The following PRKG1 variants were observed in gnomAD, a reference collection of about 807,000 sequenced individuals.
The protein encoded by PRKG1 is cGMP-dependent protein kinase 1.
PRKG1 carries 35 observed loss-of-function variants against 88.1 expected under a neutral mutation model. The ratio of observed to expected loss-of-function variants is 0.40; its 90% CI spans 0.30 to 0.53. The LOEUF (loss-of-function observed/expected upper bound fraction) is 0.53, where lower values mean the gene tolerates loss of function less well. Among genes scored for constraint, PRKG1 ranks in the 20% least tolerant of loss-of-function variants. The pLI, the probability that PRKG1 is intolerant of heterozygous loss-of-function variation, is 0.59. For synonymous variants in PRKG1, 303 were observed against 292.5 expected (o/e 1.04, Z -0.37); for missense variants, 540 against 839.8 (o/e 0.64, Z 4.41).
In PRKG1 at chr10:51,981,607, C is replaced by T. The variant is rs1210442688; in HGVS notation, c.763-72877C>T. On this transcript the variant is annotated intron_variant, in intron 5 of 17. Coordinates refer to ENST00000373980, the MANE Select transcript of PRKG1 (RefSeq NM_006258.4). Reference sequence around the variant, plus strand: ...TCTCAATAAATAAATAAATAAATAGCAAAAAATAAAAAAAAGAATATTTAA... The same window carrying T: ...TCTCAATAAATAAATAAATAAATAGTAAAAAATAAAAAAAAGAATATTTAA... 1.3e-5 allele frequency among the ~76,000 whole-genome samples: 2 copies of T among 151,380 alleles called. 1 individual carries two copies. The highest frequency in any genetic ancestry group is 3.0e-5 in the Non-Finnish European group (2 of 67,790).
intron 10 of PRKG1, among the ~76,000 whole-genome samples, chr10:52,269,259 G>T (rs1052819156): frequency 2.0e-5 from 3 of 151,962 alleles, no homozygotes; most frequent in African/African-American, 7.2e-5. Flanking sequence ...ATCTTCCCTA[G>T]CTTTCCAGAT....
intron 2 of PRKG1, among the ~76,000 whole-genome samples, chr10:51,186,965 T>TATATAC (rs1837507426): frequency 6.9e-6 from 1 of 145,432 alleles, no homozygotes; most frequent in African/African-American, 2.5e-5. Flanking sequence ...TATATATATA[T>TATATAC]ATATATATAT....
chr10:51,313,459 A>C lies in PRKG1; in HGVS notation c.479-154264A>C, dbSNP rs1272144951. On this transcript the variant is annotated intron_variant, in intron 2 of 17. Coordinates refer to ENST00000373980, the MANE Select transcript of PRKG1 (RefSeq NM_006258.4). ...AAGTCCAGCCTGCCCTTTGTCAAGAAAGATTAGACCTCATTATCTGTCCTC... is the reference window on the plus strand; with the variant it reads ...AAGTCCAGCCTGCCCTTTGTCAAGACAGATTAGACCTCATTATCTGTCCTC... Among the ~76,000 whole-genome samples the C allele has an allele frequency of 2.0e-5, 3 of 152,194 alleles. No individual in the cohort carries two copies. The East Asian group carries it at 5.8e-4, about 29-fold the overall frequency.
chr10:51,029,794 C>T (rs76399127), intron 1 of PRKG1, among the ~76,000 whole-genome samples: 24 of 152,200 alleles, frequency 1.6e-4, no homozygotes, highest in East Asian at 1.9e-4. Context: ...AAACATTACA[C>T]GAATGTAGGA....
chr10:51,194,572 C>T (rs1015036091), intron 2 of PRKG1, among the ~76,000 whole-genome samples: 3 of 151,940 alleles, frequency 2.0e-5, no homozygotes, highest in Admixed American at 2.0e-4. Flanking sequence ...TTTCAACAGT[C>T]CTAGAACTTT....
chr10:51,077,072 G>C (rs553812769), intron 1 of PRKG1, among the ~76,000 whole-genome samples: 25 of 152,238 alleles, frequency 1.6e-4, no homozygotes, highest in Admixed American at 3.3e-4. Flanking sequence ...GTAGTAGAAA[G>C]TGTACCTTTC....
chr10:51,309,555 A>G (rs1006549093), intron 2 of PRKG1, among the ~76,000 whole-genome samples: 1 of 152,236 alleles, frequency 6.6e-6, no homozygotes, highest in African/African-American at 2.4e-5. Context: ...AGCATCTTAT[A>G]CCAGTTAGGA....
chr10:51,989,378 G>A (rs914221942), intron 5 of PRKG1, among the ~76,000 whole-genome samples: 7 of 149,574 alleles, frequency 4.7e-5, no homozygotes, highest in Admixed American at 2.0e-4. Context: ...ATGATTACCC[G>A]TAATGTGGAG....
At chr10:51,836,908 G>C (rs1840146882) in intron 4 of PRKG1, among the ~76,000 whole-genome samples, 1 of 152,152 alleles carries the variant, frequency 6.6e-6, no homozygotes, top group African/African-American at 2.4e-5. Context: ...CTTTAGCATT[G>C]TTTTGCTTGT....
intron 9 of PRKG1, among the ~76,000 whole-genome samples, chr10:52,239,205 A>T (rs1309014727): frequency 7.4e-6 from 1 of 134,990 alleles, no homozygotes; most frequent in African/African-American, 2.7e-5. Context: ...TAGCATTGGG[A>T]GATATACCTA....
At chr10:52,231,705 C>A (rs1304346758) in intron 9 of PRKG1, among the ~76,000 whole-genome samples, 1 of 152,142 alleles carries the variant, frequency 6.6e-6, no homozygotes, top group Non-Finnish European at 1.5e-5. Context: ...TTCCTGTATA[C>A]AAATGTATTT....
intron 1 of PRKG1, among the ~76,000 whole-genome samples, chr10:51,048,853 CTT>C (rs36099501): frequency 4.0e-5 from 6 of 148,168 alleles, no homozygotes; most frequent in African/African-American, 1.5e-4. Context: ...AGTATAGTGA[CTT>C]TTTTTTTTTT....
intron 9 of PRKG1, among the ~76,000 whole-genome samples, chr10:52,240,469 T>G (rs1045904724): frequency 6.6e-6 from 1 of 152,168 alleles, no homozygotes; most frequent in Non-Finnish European, 1.5e-5. Flanking sequence ...TAAGGAAATC[T>G]GAATAAAAGT....
chr10:52,184,698 G>A (rs2132737439), intron 9 of PRKG1: 1 of 152,230 alleles, frequency 6.6e-6, no homozygotes, highest in South Asian at 2.1e-4. Flanking sequence ...GTTCATCAGG[G>A]AGCATAATGC....
chr10:52,230,886 G>C (rs531602030), intron 9 of PRKG1: 1 of 152,250 alleles, frequency 6.6e-6, no homozygotes, highest in South Asian at 2.1e-4. Context: ...TGTTGACCAG[G>C]CATCATCCTC....
intron 3 of PRKG1, among the ~76,000 whole-genome samples, chr10:51,473,844 A>G (rs1371584702): frequency 6.6e-6 from 1 of 151,758 alleles, no homozygotes; most frequent in African/African-American, 2.4e-5. Context: ...GCTCCCACAC[A>G]TGTAAAGCTT....
intron 9 of PRKG1, among the ~76,000 whole-genome samples, chr10:52,222,289 G>A (rs1840264668): frequency 1.3e-5 from 2 of 152,138 alleles, no homozygotes; most frequent in African/African-American, 4.8e-5. Flanking sequence ...AGTATATTCT[G>A]AGCAGAATGG....
At chr10:51,908,735 T>TATATATATATA (rs778365205) in intron 5 of PRKG1, 5 of 77,824 alleles carry the variant, frequency 6.4e-5, no homozygotes, top group African/African-American at 1.5e-4. Context: ...CTATATGTAA[T>TATATATATATA]TTTTTTTTTT....
rs150640182 is a variant in PRKG1, at chr10:51,714,301, A to G, written c.593-90284A>G. On this transcript the variant is annotated intron_variant, in intron 3 of 17. Transcript: ENST00000373980. Reference sequence around the variant, plus strand: ...CCTATTGCTTTTATTTTTTACACTTATATAGGGCTTACCATATTGGATGAC... The same window carrying G: ...CCTATTGCTTTTATTTTTTACACTTGTATAGGGCTTACCATATTGGATGAC... Among the ~76,000 whole-genome samples the G allele has an allele frequency of 4.5e-3, 679 of 152,254 alleles. 1 individual carries two copies. The highest frequency in any genetic ancestry group is 0.016 in the African/African-American group (655 of 41,558).
Sources: allele counts gnomAD v4.1 joint callset (sites outside exome capture counted in the v4.1 genomes callset), GRCh38; gene constraint gnomAD v4.1.1; transcripts MANE v1.5; gene names NCBI Gene and HGNC (gene_info 2026-07-23, HGNC 2026-07-21).